Variants in ADPRHL1 observed in about 807,000 individuals in gnomAD.
ADPRHL1 encodes the protein ADP-ribosylhydrolase like 1, also known as inactive ADP-ribosyltransferase ARH2.
Under a neutral mutation model 44.1 loss-of-function variants are expected in ADPRHL1, and 43 were observed. The ratio of observed to expected loss-of-function variants is 0.98; its 90% CI spans 0.76 to 1.26. ADPRHL1 has a LOEUF of 1.26. Among genes scored for constraint, ADPRHL1 ranks in the 50% most tolerant of loss-of-function variants. The pLI, the probability that ADPRHL1 is intolerant of heterozygous loss-of-function variation, is 0.00. For synonymous variants in ADPRHL1, 878 were observed against 1,017.4 expected, an observed-to-expected ratio of 0.86 and a Z score of 2.61; for missense variants, 2,022 against 2,496.9, an observed-to-expected ratio of 0.81 and a Z score of 4.05.
chr13:113,425,085 G>A lies in ADPRHL1; in HGVS notation c.741C>T (p.Phe247=), dbSNP rs139453280. ...ISKDSENKAI[F]PDNYDAEERE... ...TCTCTTCTGCATCATAATTGTCGGG[G>A]AAGATGGCTTTATTTTCTGAGTCTT... Residue 247 remains phenylalanine, a synonymous_variant, in exon 5 of 8, where the codon TTC becomes TTT. Transcript: ENST00000612156. The A allele has an allele frequency of 6.2e-7, 1 of 1,613,476 alleles. No individual in the cohort carries two copies. The highest frequency in any genetic ancestry group is 8.5e-7 in the Non-Finnish European group (1 of 1,179,934).
At chr13:113,421,615 C>A (rs1304332693) in intron 7 of ADPRHL1, among the ~76,000 whole-genome samples, 1 of 152,186 alleles carries the variant, frequency 6.6e-6, no homozygotes, top group Non-Finnish European at 1.5e-5. Context: ...GGACCCAATG[C>A]ACCTGGGAGC....
chr13:113,407,425 C>T lies in ADPRHL1; in HGVS notation c.1857G>A (p.Pro619=), dbSNP rs530149189. The change falls in exon 8 of 8, where the codon CCG becomes CCA. Residue 619 remains proline, a synonymous_variant. Transcript: ENST00000612156. ...RFLACTAEPL[P]ALSIATVVCG... ...AGACGACGGTGGCGATGCTGAGGGCCGGCAGGGGCTCAGCCGTGCAGGCCA... is the reference window on the plus strand; with the variant it reads ...AGACGACGGTGGCGATGCTGAGGGCTGGCAGGGGCTCAGCCGTGCAGGCCA... 4.8e-5 allele frequency: 59 copies of T among 1,231,968 alleles called. No homozygotes were observed. The African/African-American group carries it at 7.3e-4, about 15-fold the overall frequency. The allele number at this position is 1,231,968 out of a possible 1,614,324, so 76.3% of individuals were successfully genotyped here. A position where few individuals can be genotyped will look rare whatever the true frequency, so the allele number is the denominator to read the frequency against.
chr13:113,417,682 C>A (rs2043893723), intron 7 of ADPRHL1, among the ~76,000 whole-genome samples: 1 of 118,968 alleles, frequency 8.4e-6, no homozygotes, highest in Non-Finnish European at 1.8e-5. Context: ...AATGCTTTTC[C>A]CGCAACAGGC....
chr13:113,442,855 G>A (rs967968021), intron 2 of ADPRHL1, among the ~76,000 whole-genome samples: 6 of 152,194 alleles, frequency 3.9e-5, no homozygotes, highest in Admixed American at 3.3e-4. Flanking sequence ...CCCGCGGGTC[G>A]CTGGTCCTCC....
Position 113,441,905 on chromosome 13 carries a change from C to T in ADPRHL1, c.379+2520G>A, listed in dbSNP as rs376917239. ...CCACCCTGTGTGTGAGTCTGTGTCT[C>T]TATCACGCTTTACTCCACCGTGCTG... On this transcript the variant is annotated intron_variant, in intron 2 of 7. Coordinates refer to ENST00000612156, the MANE Select transcript of ADPRHL1 (RefSeq NM_001394807.1). This position sits in a 1 kb window ranked among gnomAD's most constrained non-coding sequence, Gnocchi z 6.0. Among the ~76,000 whole-genome samples the T allele has an allele frequency of 6.6e-6, 1 of 152,250 alleles. No homozygotes were observed. Among genetic ancestry groups the T allele is most frequent in the East Asian group, 1.9e-4 (1 of 5,194 alleles).
intron 5 of ADPRHL1, among the ~76,000 whole-genome samples, chr13:113,424,685 T>TTCACCCACCCATTCATCC (rs2043951295): frequency 4.2e-5 from 1 of 23,644 alleles, no homozygotes; most frequent in African/African-American, 1.9e-4. Flanking sequence ...TCCATTCATC[T>TTCACCCACCCATTCATCC]ATCCACCCAT....
intron 2 of ADPRHL1, among the ~76,000 whole-genome samples, chr13:113,434,227 T>A (rs1053086009): frequency 6.6e-6 from 1 of 152,090 alleles, no homozygotes; most frequent in Admixed American, 6.5e-5. Flanking sequence ...TGCACGACCC[T>A]AAGATTTTTA....
rs1005252854 is a variant in ADPRHL1, at chr13:113,412,710, G to A, written c.1062-4490C>T. 1.3e-4 allele frequency among the ~76,000 whole-genome samples: 19 copies of A among 150,700 alleles called. 1 individual carries two copies. The highest frequency in any genetic ancestry group is 3.5e-3 in the Middle Eastern group (1 of 282). On this transcript the variant is annotated intron_variant, in intron 7 of 7. Coordinates refer to ENST00000612156, the MANE Select transcript of ADPRHL1 (RefSeq NM_001394807.1). ...GTTCACCCACCGCCAACAGTGCCCCGGAGGCTCAGTTCACCCACCGCCAAC... is the reference window on the plus strand; with the variant it reads ...GTTCACCCACCGCCAACAGTGCCCCAGAGGCTCAGTTCACCCACCGCCAAC...
intron 7 of ADPRHL1, chr13:113,422,193 G>A (rs1255638611): frequency 2.0e-5 from 3 of 152,242 alleles, no homozygotes; most frequent in African/African-American, 7.2e-5. Flanking sequence ...GGCCATTTAT[G>A]TTCTGGTTTT....
intron 3 of ADPRHL1, among the ~76,000 whole-genome samples, chr13:113,433,053 G>GCCAGCTGA (rs1307710143): frequency 6.6e-6 from 1 of 152,200 alleles, no homozygotes; most frequent in Admixed American, 6.5e-5. Context: ...TGGCCAGCTG[G>GCCAGCTGA]CACAGACCAC....
At chr13:113,414,369 G>C (rs1017618984) in intron 7 of ADPRHL1, among the ~76,000 whole-genome samples, 6 of 152,074 alleles carry the variant, frequency 3.9e-5, no homozygotes, top group African/African-American at 1.4e-4. Flanking sequence ...CTCTGCGGAT[G>C]AGCCTGGAGC....
chr13:113,451,121 CTCTTG>C (rs1422560830), intron 1 of ADPRHL1, among the ~76,000 whole-genome samples: 12 of 152,218 alleles, frequency 7.9e-5, no homozygotes, highest in South Asian at 2.1e-4. Context: ...AAGGCTCGCA[CTCTTG>C]TCTTCTGGTC....
intron 3 of ADPRHL1, among the ~76,000 whole-genome samples, 179 bp downstream of exon 3, chr13:113,433,563 C>T (rs2044022134): frequency 6.6e-6 from 1 of 152,210 alleles, no homozygotes; most frequent in African/African-American, 2.4e-5. Context: ...CCGGGCAGGG[C>T]GCCCTCACAG....
intron 7 of ADPRHL1, among the ~76,000 whole-genome samples, chr13:113,414,330 C>T (rs532263582): frequency 4.6e-5 from 7 of 152,344 alleles, no homozygotes; most frequent in African/African-American, 1.7e-4. Context: ...TCCATCAACA[C>T]CAGAGGCCTG....
intron 7 of ADPRHL1, chr13:113,422,081 G>A (rs554009867): frequency 1.3e-5 from 2 of 152,326 alleles, no homozygotes; most frequent in East Asian, 1.9e-4. Flanking sequence ...GCGCTTCCTC[G>A]TCAGCGAGCC....
At chr13:113,420,083 G>A (rs1412327493) in intron 7 of ADPRHL1, among the ~76,000 whole-genome samples, 3 of 152,170 alleles carry the variant, frequency 2.0e-5, no homozygotes, top group South Asian at 4.1e-4. Flanking sequence ...CCCACACGCC[G>A]CCTTTAACAG....
chr13:113,415,821 G>C (rs2043884962), intron 7 of ADPRHL1, among the ~76,000 whole-genome samples: 1 of 147,504 alleles, frequency 6.8e-6, no homozygotes, highest in Admixed American at 6.8e-5. Context: ...TTTTAAAATT[G>C]GTTTTAAATA....
chr13:113,404,769 G>C lies in ADPRHL1; in HGVS notation c.4513C>G (p.Gln1505Glu), dbSNP rs1382463314. The change falls in exon 8 of 8, where the codon CAA becomes GAA. Residue 1505 changes from glutamine to glutamate, a missense_variant. Physicochemically the swap from Gln to Glu is conservative, Grantham distance 29. Around this residue, in one of 8 missense-constraint regions of ADPRHL1, gnomAD observed 1,221 missense variants for 1,517.8 expected, o/e 0.80. Transcript: ENST00000612156. ...TGGGTCTGCCACTGGGCCTGTTCTT[G>C]AGCGTGTCCCTGAACCTGTCCCCGG... ...WDRGQVQGHA[Q>E]EQAQWQTQIE... is the part of the protein sequence containing the mutation. The C allele has an allele frequency of 7.9e-7, 1 of 1,271,380 alleles. No homozygotes were observed. Among genetic ancestry groups the C allele is most frequent in the Non-Finnish European group, 9.9e-7 (1 of 1,013,478 alleles). 78.8% of individuals were successfully genotyped at this position (1,271,380 alleles called of 1,614,324 possible). A position where few individuals can be genotyped will look rare whatever the true frequency, so the allele number is the denominator to read the frequency against.
At chr13:113,423,107 G>T in intron 6 of ADPRHL1, 128 bp from the exon 7 acceptor site, 1 of 1,358,036 alleles carries the variant, frequency 7.4e-7, no homozygotes, top group Non-Finnish European at 1.0e-6. Context: ...AAAAGGGACA[G>T]GCAGGCCAGC....
Sources: allele counts gnomAD v4.1 joint callset (sites outside exome capture counted in the v4.1 genomes callset), GRCh38; gene constraint gnomAD v4.1.1; regional missense constraint gnomAD v4.1.1; non-coding constraint Gnocchi (gnomAD v3.1); transcripts MANE v1.5; gene names NCBI Gene and HGNC (gene_info 2026-07-23, HGNC 2026-07-21).